The following TF variants were observed in gnomAD, a reference collection of about 807,000 sequenced individuals.
TF encodes the protein serotransferrin.
In TF, 55 loss-of-function variants were observed where a neutral mutation model predicts 82.4. The observed-to-expected ratio is 0.67, with a 90% CI of 0.54 to 0.84. The LOEUF (loss-of-function observed/expected upper bound fraction) is 0.84. Among genes scored for constraint, TF ranks in the 40% least tolerant of loss-of-function variants. The pLI is 0.00. For synonymous variants in TF, 332 were observed against 332.6 expected (o/e 1.00, Z 0.02); for missense variants, 737 against 868.4 (o/e 0.85, Z 1.90).
At chr3:133,730,900 G>T in the TF span, among the ~76,000 whole-genome samples, 5 of 151,972 alleles carry the variant, frequency 3.3e-5, no homozygotes, top group African/African-American at 1.2e-4. Flanking sequence ...CTACCCTAGG[G>T]GGTTGGTAAG....
the TF span, among the ~76,000 whole-genome samples, chr3:133,740,434 G>A: frequency 9.3e-3 from 1,413 of 152,054 alleles, 24 homozygotes; most frequent in African/African-American, 0.033. Context: ...AGTGATTCTC[G>A]ATTCTCATGC....
chr3:133,668,861 T>A, the TF span, among the ~76,000 whole-genome samples: 1 of 152,188 alleles, frequency 6.6e-6, no homozygotes, highest in Non-Finnish European at 1.5e-5. Context: ...AAAACCCTTG[T>A]TTGCATGTCC....
At chr3:133,754,794 TAACAGACTTTA>T (rs1933778700) in intron 4 of TF, 123 bp downstream of exon 4, 1 of 1,105,792 alleles carries the variant, frequency 9.0e-7, no homozygotes, top group Admixed American at 1.7e-5. Context: ...GGAAAGAGGT[TAACAGACTTTA>T]AACTGGCAGG....
Position 133,756,275 on chromosome 3 carries a change from G to T in TF, c.636-7G>T, listed in dbSNP as rs769566154. ...AGGAGCCCTGCTGATGTGTTTCTTT[G>T]ACCCAGGTGTCTGAAGGATGGTGCT... is the stretch of plus-strand genomic sequence containing the variant. On this transcript the variant is annotated splice_polypyrimidine_tract_variant and splice_region_variant and intron_variant, in intron 5 of 16. Coordinates refer to ENST00000402696, the MANE Select transcript of TF (RefSeq NM_001063.4). 6.2e-7 allele frequency: 1 copy of T among 1,613,920 alleles called. No individual in the cohort carries two copies. The highest frequency in any genetic ancestry group is 2.2e-5 in the East Asian group (1 of 44,874).
At chr3:133,734,750 A>C in the TF span, among the ~76,000 whole-genome samples, 1 of 152,092 alleles carries the variant, frequency 6.6e-6, no homozygotes, top group East Asian at 1.9e-4. Context: ...AAAAATGCAC[A>C]ACCTGAGTCA....
In TF at chr3:133,768,070, G is replaced by C. The variant is rs201418252; in HGVS notation, c.1528G>C (p.Asp510His). The C allele has an allele frequency of 3.3e-5, 54 of 1,614,066 alleles. No homozygotes were observed. Among genetic ancestry groups the C allele is most frequent in the Middle Eastern group, 3.3e-4 (2 of 6,084 alleles). The part of the protein sequence containing the change: ...SEGCAPGSKK[D>H]SSLCKLCMGS... ...AGGTTGTGCCCCTGGGTCTAAGAAA[G>C]ACTCCAGTCTCTGTAAGCTGTGTAT... Residue 510 changes from aspartate (D) to histidine (H), a missense_variant, in exon 13 of 17, where the codon GAC (aspartate) becomes CAC (histidine). By Grantham distance (81) the Asp-to-His change is moderately conservative. Coordinates refer to ENST00000402696, the MANE Select transcript of TF (RefSeq NM_001063.4).
the TF span, among the ~76,000 whole-genome samples, chr3:133,663,485 G>GAAAA: frequency 1.7e-4 from 25 of 150,136 alleles, no homozygotes; most frequent in African/African-American, 2.4e-4. Context: ...CTAGAGGTGG[G>GAAAA]AAAAAAAAGA....
intron 2 of TF, among the ~76,000 whole-genome samples, chr3:133,749,623 T>C (rs1426404209): frequency 6.6e-6 from 1 of 152,164 alleles, no homozygotes; most frequent in Non-Finnish European, 1.5e-5. Flanking sequence ...TGAGCCTGGG[T>C]GGGCTCCAGT....
At position 133,764,275 on chromosome 3, in the gene TF, A is replaced by G. The variant is rs769539843; in HGVS notation, c.1297A>G (p.Lys433Glu). 3.7e-6 allele frequency: 6 copies of G among 1,612,830 alleles called. No individual in the cohort carries two copies. The highest frequency in any genetic ancestry group is 5.1e-6 in the Non-Finnish European group (6 of 1,178,862). ...LVPVLAENYN[K>E]SDNCEDTPEA... ...GCCTGTCTTGGCAGAAAACTACAAT[A>G]GTAAGTGGTGGGGAGCACCTCTCTG... Residue 433 changes from lysine to glutamate, a missense_variant and splice_region_variant, in exon 10 of 17, where the codon AAG becomes GAG. By Grantham distance (56) the Lys-to-Glu change is moderately conservative. Transcript: ENST00000402696.
the TF span, among the ~76,000 whole-genome samples, chr3:133,666,968 G>A: frequency 1.3e-5 from 2 of 152,032 alleles, no homozygotes; most frequent in Non-Finnish European, 2.9e-5. Flanking sequence ...CCTGGGAGGT[G>A]GAGCTTGCAG....
chr3:133,756,410 T>C (rs1036723125), intron 6 of TF, 73 bp downstream of exon 6: 12 of 1,484,746 alleles, frequency 8.1e-6, no homozygotes, highest in Non-Finnish European at 1.0e-5. Flanking sequence ...CCCTTTTTCA[T>C]GCTCAGTAAT....
chr3:133,738,112 C>T, the TF span, among the ~76,000 whole-genome samples: 2 of 152,196 alleles, frequency 1.3e-5, no homozygotes, highest in Non-Finnish European at 2.9e-5. Context: ...AGTTTATCCA[C>T]CACGATCAAG....
chr3:133,674,751 C>G, the TF span, among the ~76,000 whole-genome samples: 2 of 151,946 alleles, frequency 1.3e-5, no homozygotes, highest in Non-Finnish European at 2.9e-5. Flanking sequence ...GCGCGACAAC[C>G]GGACAGTCAG....
At chr3:133,731,202 C>G in the TF span, among the ~76,000 whole-genome samples, 1 of 152,076 alleles carries the variant, frequency 6.6e-6, no homozygotes, top group African/African-American at 2.4e-5. Flanking sequence ...GAGCACTGGA[C>G]TCTGTTCAGC....
At chr3:133,735,545 C>T in the TF span, among the ~76,000 whole-genome samples, 1 of 151,884 alleles carries the variant, frequency 6.6e-6, no homozygotes. Flanking sequence ...TGCAAGGAAG[C>T]TAAAAACCTT....
At position 133,789,114 on chromosome 3, in the gene TF, A is replaced by C. The variant is rs1481235527; in HGVS notation, c.*10494A>C. 2 of 152,410 alleles carry C rather than the reference A, an allele frequency of 1.3e-5. No homozygotes were observed. Among genetic ancestry groups the C allele is most frequent in the African/African-American group, 4.8e-5 (2 of 41,588 alleles). 9.4% of individuals were successfully genotyped at this position (152,410 alleles called of 1,614,324 possible). ...ACTGGACCCCAAAGGGGGATTCCCCAGGGGATCCTCCAGACTTCAACCTCT... is the reference window on the plus strand; with the variant it reads ...ACTGGACCCCAAAGGGGGATTCCCCCGGGGATCCTCCAGACTTCAACCTCT... On this transcript the variant is annotated 3_prime_UTR_variant, in exon 17 of 17. Coordinates refer to ENST00000402696, the MANE Select transcript of TF (RefSeq NM_001063.4).
the TF span, among the ~76,000 whole-genome samples, chr3:133,708,657 C>CAT: frequency 2.7e-5 from 4 of 150,496 alleles, no homozygotes; most frequent in East Asian, 1.9e-4. Context: ...TGTGTGCAAA[C>CAT]ATATATATAT....
the TF span, among the ~76,000 whole-genome samples, chr3:133,667,382 T>C: frequency 7.0e-6 from 1 of 143,402 alleles, no homozygotes; most frequent in East Asian, 2.0e-4. Flanking sequence ...AACCCAAGTA[T>C]GTGAGATTTT....
At chr3:133,755,648 C>A in intron 5 of TF, 153 bp downstream of exon 5, 1 of 1,017,228 alleles carries the variant, frequency 9.8e-7, no homozygotes, top group Non-Finnish European at 1.5e-6. Context: ...CAACCTGGGA[C>A]TCCTAGGCCA....
Sources: gnomAD v4.1 joint callset for allele counts (sites outside exome capture counted in the v4.1 genomes callset) on GRCh38, gnomAD v4.1.1 for gene constraint, MANE v1.5 for transcripts, NCBI Gene and HGNC (gene_info 2026-07-23, HGNC 2026-07-21) for gene names.